PXDNL: variants seen among roughly 807,000 people sequenced by gnomAD.
PXDNL encodes the protein probable oxidoreductase PXDNL.
In PXDNL, 145 loss-of-function variants were observed where a neutral mutation model predicts 150.8. The observed-to-expected ratio is 0.96, with a 90% confidence interval of 0.84 to 1.10. The LOEUF (loss-of-function observed/expected upper bound fraction) is 1.10. PXDNL is among the 50% of genes least tolerant of loss of function. The pLI is 0.00. For synonymous variants in PXDNL, 757 were observed against 725.7 expected (o/e 1.04, Z -0.69); for missense variants, 2,087 against 1,873.9 (o/e 1.11, Z -2.10).
chr8:51,573,885 A>T (rs1245548573), intron 3 of PXDNL, among the ~76,000 whole-genome samples: 1 of 152,076 alleles, frequency 6.6e-6, no homozygotes, highest in Non-Finnish European at 1.5e-5. Context: ...TATAAAATTA[A>T]CATCTTTAGT....
intron 14 of PXDNL, among the ~76,000 whole-genome samples, chr8:51,417,659 T>C (rs1369895743): frequency 2.6e-5 from 4 of 152,200 alleles, no homozygotes; most frequent in Non-Finnish European, 4.4e-5. Flanking sequence ...ATAATGTAAC[T>C]ATCGTAACCA....
intron 1 of PXDNL, among the ~76,000 whole-genome samples, chr8:51,808,757 C>T (rs1031344091): frequency 6.6e-6 from 1 of 152,188 alleles, no homozygotes; most frequent in Non-Finnish European, 1.5e-5. Context: ...AACAATTTGT[C>T]AGCACATAAT....
chr8:51,729,853 CACT>C (rs1035948664), intron 1 of PXDNL, among the ~76,000 whole-genome samples: 24 of 152,106 alleles, frequency 1.6e-4, no homozygotes, highest in Non-Finnish European at 3.4e-4. Flanking sequence ...CTCAAATGCA[CACT>C]ACTAAGTGAA....
At chr8:51,321,079 T>C (rs931126492) in intron 21 of PXDNL, 182 bp from the exon 22 acceptor site, 1 of 559,182 alleles carries the variant, frequency 1.8e-6, no homozygotes, top group African/African-American at 1.9e-5. Flanking sequence ...AATCATCCAG[T>C]ATCCAAACAA....
At chr8:51,450,013 C>T (rs185956034) in intron 10 of PXDNL, among the ~76,000 whole-genome samples, 1 of 152,230 alleles carries the variant, frequency 6.6e-6, no homozygotes, top group Non-Finnish European at 1.5e-5. Context: ...AGTTATTTCT[C>T]GATTATGTGC....
intron 3 of PXDNL, among the ~76,000 whole-genome samples, chr8:51,560,962 T>G (rs952967460): frequency 6.7e-6 from 1 of 149,888 alleles, no homozygotes; most frequent in Non-Finnish European, 1.5e-5. Flanking sequence ...CATTTAAAAA[T>G]GGGTAAAGGA....
chr8:51,525,221 C>T (rs889414067), intron 4 of PXDNL, among the ~76,000 whole-genome samples: 10 of 152,136 alleles, frequency 6.6e-5, no homozygotes, highest in South Asian at 2.1e-4. Context: ...TCCTCTGACC[C>T]GCTCATGATT....
intron 21 of PXDNL, among the ~76,000 whole-genome samples, chr8:51,329,332 A>T (rs952825262): frequency 6.6e-6 from 1 of 152,196 alleles, no homozygotes; most frequent in South Asian, 2.1e-4. Flanking sequence ...AACAAAAACA[A>T]AGACACTGGA....
At chr8:51,694,370 C>A (rs201040968) in intron 1 of PXDNL, among the ~76,000 whole-genome samples, 14 of 150,034 alleles carry the variant, frequency 9.3e-5, no homozygotes, top group African/African-American at 7.4e-5. Context: ...CTCAAACAAA[C>A]AAAAAAAAAA....
intron 1 of PXDNL, among the ~76,000 whole-genome samples, chr8:51,703,349 A>G (rs1816296834): frequency 6.6e-6 from 1 of 152,142 alleles, no homozygotes; most frequent in Non-Finnish European, 1.5e-5. Flanking sequence ...GAATGCAGCC[A>G]AAGAAAACAT....
chr8:51,382,927 C>A (rs987351834), intron 17 of PXDNL, among the ~76,000 whole-genome samples: 1 of 152,084 alleles, frequency 6.6e-6, no homozygotes, highest in African/African-American at 2.4e-5. Context: ...TGATCTTTTT[C>A]TCATGTCTTA....
At chr8:51,755,843 C>A (rs1011804980) in intron 1 of PXDNL, among the ~76,000 whole-genome samples, 1 of 152,160 alleles carries the variant, frequency 6.6e-6, no homozygotes, top group Non-Finnish European at 1.5e-5. Flanking sequence ...AGAGAAATTT[C>A]ACTCTGCTAA....
chr8:51,798,431 T>A (rs146038474), intron 1 of PXDNL, among the ~76,000 whole-genome samples: 129 of 152,236 alleles, frequency 8.5e-4, no homozygotes, highest in African/African-American at 2.8e-3. Flanking sequence ...TTGCAATCTA[T>A]TCATCTGAGA....
chr8:51,763,988 C>T (rs1450133961), intron 1 of PXDNL, among the ~76,000 whole-genome samples: 2 of 152,158 alleles, frequency 1.3e-5, no homozygotes, highest in African/African-American at 2.4e-5. Flanking sequence ...AATCCCTTTA[C>T]TTGTTATAGA....
intron 3 of PXDNL, among the ~76,000 whole-genome samples, chr8:51,571,549 G>A (rs531753594): frequency 1.5e-4 from 23 of 151,900 alleles, no homozygotes; most frequent in Non-Finnish European, 1.3e-4. Flanking sequence ...ATAGAAAATG[G>A]ATTATACATA....
rs990004281 is a variant in PXDNL at position 51,411,243 on chromosome 8, G to C, written c.2062+7C>G. The C allele has an allele frequency of 7.6e-6, 11 of 1,447,462 alleles. No individual in the cohort carries two copies. Among genetic ancestry groups the C allele is most frequent in the South Asian group, 4.8e-5 (3 of 62,266 alleles). The allele number at this position is 1,447,462 out of a possible 1,614,324, so 89.7% of individuals were successfully genotyped here. On this transcript the variant is annotated splice_region_variant and intron_variant, in intron 16 of 22. Transcript: ENST00000356297. Reference sequence around the variant, plus strand: ...TAGGCTGAGAATAAAATGGCTTTGTGGCTGACCTTTGCCTTCCAAGTCCAC... The same window carrying C: ...TAGGCTGAGAATAAAATGGCTTTGTCGCTGACCTTTGCCTTCCAAGTCCAC...
At chr8:51,357,157 T>C (rs1446095186) in intron 19 of PXDNL, among the ~76,000 whole-genome samples, 1 of 152,232 alleles carries the variant, frequency 6.6e-6, no homozygotes, top group Non-Finnish European at 1.5e-5. Context: ...TATCCCATTA[T>C]TTGAATCAGA....
intron 8 of PXDNL, among the ~76,000 whole-genome samples, chr8:51,468,211 C>T (rs1810245946): frequency 6.6e-6 from 1 of 151,846 alleles, no homozygotes; most frequent in Non-Finnish European, 1.5e-5. Context: ...TGTTCCTAAT[C>T]GTTCTGGGAA....
chr8:51,763,320 TAAA>T (rs58440027), intron 1 of PXDNL, among the ~76,000 whole-genome samples: 3 of 141,694 alleles, frequency 2.1e-5, no homozygotes, highest in African/African-American at 2.6e-5. Flanking sequence ...CTTAAAGTAT[TAAA>T]AAAAAAAAAA....
Sources: gnomAD v4.1 joint callset for allele counts (sites outside exome capture counted in the v4.1 genomes callset) on GRCh38, gnomAD v4.1.1 for gene constraint, MANE v1.5 for transcripts, NCBI Gene and HGNC (gene_info 2026-07-23, HGNC 2026-07-21) for gene names.